KCNN2: variants seen among roughly 807,000 people sequenced by gnomAD.
KCNN2 encodes the protein small conductance calcium-activated potassium channel protein 2.
Under a neutral mutation model 55.5 loss-of-function variants are expected in KCNN2, and 24 were observed. That is an observed-to-expected ratio of 0.43 (90% confidence interval 0.31 to 0.61). KCNN2 has a LOEUF of 0.61. Ranked by LOEUF, KCNN2 falls within the 20% of genes least tolerant of loss-of-function variation. The pLI, the probability that KCNN2 is intolerant of heterozygous loss-of-function variation, is 0.08. For synonymous variants in KCNN2, 431 were observed against 336.1 expected, an observed-to-expected ratio of 1.28 and a Z score of -3.09; for missense variants, 754 against 853.6, an observed-to-expected ratio of 0.88 and a Z score of 1.45.
At chr5:114,363,353 A>G in intron 1 of KCNN2, 92 bp downstream of exon 1, 8 of 1,407,764 alleles carry the variant, frequency 5.7e-6, no homozygotes, top group Non-Finnish European at 7.5e-6. Context: ...GCGGATCCCT[A>G]GCCTCTCCGG....
At chr5:114,346,769 CA>C (rs138308313) in intron 2 of KCNN2, among the ~76,000 whole-genome samples, 79 of 136,068 alleles carry the variant, frequency 5.8e-4, no homozygotes, top group East Asian at 1.3e-3. Flanking sequence ...ATTCATTCTC[CA>C]AAAAAAAAAA....
At chr5:114,400,335 C>T (rs796930205) in intron 2 of KCNN2, among the ~76,000 whole-genome samples, 13 of 152,172 alleles carry the variant, frequency 8.5e-5, no homozygotes, top group African/African-American at 3.1e-4. Flanking sequence ...CCAGTGCACT[C>T]ATTGTCTCCA....
intron 2 of KCNN2, among the ~76,000 whole-genome samples, chr5:114,293,242 G>C (rs1388321729): frequency 6.6e-6 from 1 of 152,156 alleles, no homozygotes; most frequent in Admixed American, 6.5e-5. Context: ...AATAGGAGTG[G>C]TGAGAGAGGG....
intron 1 of KCNN2, among the ~76,000 whole-genome samples, chr5:114,195,217 GA>G (rs1054807501): frequency 8.3e-5 from 12 of 145,052 alleles, no homozygotes; most frequent in South Asian, 6.5e-4. Context: ...GATTTCTGCC[GA>G]AAAAAAAAAG....
At chr5:114,138,226 A>G (rs1055571049) in intron 1 of KCNN2, among the ~76,000 whole-genome samples, 2 of 152,182 alleles carry the variant, frequency 1.3e-5, no homozygotes, top group Non-Finnish European at 2.9e-5. Context: ...AATGTACTTT[A>G]GGTACCAAGA....
intron 1 of KCNN2, among the ~76,000 whole-genome samples, chr5:114,190,609 T>C (rs1356712904): frequency 6.6e-6 from 1 of 152,200 alleles, no homozygotes; most frequent in Non-Finnish European, 1.5e-5. Flanking sequence ...GAACCCACTG[T>C]ATTCTGTATC....
At chr5:114,245,677 T>C (rs1754736142) in intron 2 of KCNN2, among the ~76,000 whole-genome samples, 1 of 128,702 alleles carries the variant, frequency 7.8e-6, no homozygotes. Flanking sequence ...ATATTCTTTG[T>C]CAAAAAACCC....
intron 1 of KCNN2, among the ~76,000 whole-genome samples, chr5:114,065,422 G>A (rs780393598): frequency 7.2e-5 from 11 of 152,294 alleles, no homozygotes; most frequent in Non-Finnish European, 1.3e-4. Flanking sequence ...ACACAGAAAA[G>A]AAGTTGAGGA....
chr5:114,229,349 T>C (rs1754308455), intron 2 of KCNN2, among the ~76,000 whole-genome samples: 1 of 151,910 alleles, frequency 6.6e-6, no homozygotes, highest in Non-Finnish European at 1.5e-5. Context: ...AGTTTTTAAC[T>C]TAGTATTCAG....
intron 4 of KCNN2, among the ~76,000 whole-genome samples, chr5:114,470,671 T>C (rs915481224): frequency 6.6e-6 from 1 of 152,186 alleles, no homozygotes; most frequent in African/African-American, 2.4e-5. Context: ...GCACAAAATA[T>C]CAAAATAACA....
At chr5:114,488,184 G>GA (rs983828539) in intron 6 of KCNN2, among the ~76,000 whole-genome samples, 1 of 152,252 alleles carries the variant, frequency 6.6e-6, no homozygotes, top group African/African-American at 2.4e-5. Flanking sequence ...AGATATCACT[G>GA]AAAATGTAGA....
chr5:114,219,698 G>A lies in KCNN2; in HGVS notation c.-270-1782G>A, dbSNP rs550767152. Among the ~76,000 whole-genome samples the A allele has an allele frequency of 5.3e-5, 8 of 152,166 alleles. No individual in the cohort carries two copies. The South Asian group carries it at 6.3e-4, about 12-fold the overall frequency. ...AATCAGGGATATAAGTTCTCACTTC[G>A]GGCTGTGGTTGCAGGTTTTTTGGCT... On this transcript the variant is annotated intron_variant, in intron 1 of 10. Transcript: ENST00000512097.
intron 1 of KCNN2, among the ~76,000 whole-genome samples, chr5:114,137,140 C>T (rs77430284): frequency 0.039 from 5,888 of 152,194 alleles, 132 homozygotes; most frequent in Non-Finnish European, 0.055. Flanking sequence ...CCTCCCCCTA[C>T]GCTCCCTGCT....
At chr5:114,459,449 T>C (rs1761089456) in intron 3 of KCNN2, among the ~76,000 whole-genome samples, 1 of 152,256 alleles carries the variant, frequency 6.6e-6, no homozygotes, top group African/African-American at 2.4e-5. Flanking sequence ...TTTTAAACAT[T>C]GTATTAATCA....
intron 6 of KCNN2, among the ~76,000 whole-genome samples, chr5:114,487,487 AT>A (rs1251837932): frequency 3.7e-4 from 56 of 152,114 alleles, no homozygotes; most frequent in Non-Finnish European, 1.8e-4. Context: ...TTGCTCTAGG[AT>A]TTTTTCAGCT....
chr5:114,370,366 G>A (rs1757724578), intron 2 of KCNN2, among the ~76,000 whole-genome samples: 1 of 152,070 alleles, frequency 6.6e-6, no homozygotes, highest in African/African-American at 2.4e-5. Context: ...TTTGAGGTCT[G>A]CAAATGCAAT....
rs1222872465 is a variant in KCNN2 at position 114,241,812 on chromosome 5, A to G, written c.-185+20247A>G. The stretch of plus-strand genomic sequence containing the variant: ...TATATATGTATATATATACGTATAT[A>G]TATATATGTGTGTATATATATATAT... On this transcript the variant is annotated intron_variant, in intron 2 of 10. Coordinates refer to the KCNN2 transcript ENST00000512097. 1.2e-3 allele frequency among the ~76,000 whole-genome samples: 36 copies of G among 31,088 alleles called. 8 individuals are homozygous for G. The highest frequency in any genetic ancestry group is 4.5e-3 in the East Asian group (3 of 660). The allele number at this position is 31,088 out of a possible 152,430, so 20.4% of individuals were successfully genotyped here.
intron 1 of KCNN2, among the ~76,000 whole-genome samples, chr5:114,112,432 C>G (rs1430960956): frequency 6.6e-6 from 1 of 152,136 alleles, no homozygotes; most frequent in Non-Finnish European, 1.5e-5. Flanking sequence ...ACCTATGTAA[C>G]AAACCTGCAC....
rs540298561 is a variant in KCNN2 at position 114,149,148 on chromosome 5, A to G, written c.-270-72332A>G. Among the ~76,000 whole-genome samples, 3 of 152,258 alleles carry G rather than the reference A, an allele frequency of 2.0e-5. No homozygotes were observed. The East Asian group carries it at 5.8e-4, about 29-fold the overall frequency. On this transcript the variant is annotated intron_variant, in intron 1 of 10. Transcript: ENST00000512097. Reference sequence around the variant, plus strand: ...TTCCACCCTGTTTAAGAAGACGTTTAATAAAAGACAGATAAGCCTGGTGTT... The same window carrying G: ...TTCCACCCTGTTTAAGAAGACGTTTGATAAAAGACAGATAAGCCTGGTGTT...
Sources: gnomAD v4.1 joint callset for allele counts (sites outside exome capture counted in the v4.1 genomes callset) on GRCh38, gnomAD v4.1.1 for gene constraint, MANE v1.5 for transcripts, NCBI Gene and HGNC (gene_info 2026-07-23, HGNC 2026-07-21) for gene names.